Variants in CMTM5 observed in about 807,000 individuals in gnomAD.
The protein encoded by CMTM5 is CKLF like MARVEL transmembrane domain containing 5, also known as CKLF-like MARVEL transmembrane domain-containing protein 5.
CMTM5 carries 25 observed loss-of-function variants against 26.9 expected under a neutral mutation model. The observed-to-expected ratio is 0.93, with a 90% confidence interval of 0.68 to 1.30. CMTM5 has a LOEUF of 1.30. CMTM5 is among the 50% of genes most tolerant of loss of function. The pLI is 0.00. For synonymous variants in CMTM5, 98 were observed against 115.5 expected, an observed-to-expected ratio of 0.85 and a Z score of 0.97; for missense variants, 292 against 289.6, an observed-to-expected ratio of 1.01 and a Z score of -0.06.
Position 23,378,431 on chromosome 14 carries a change from C to T in CMTM5, c.209C>T (p.Thr70Ile), listed in dbSNP as rs1193879594. 1 of 1,614,146 alleles carries T rather than the reference C, an allele frequency of 6.2e-7. No homozygotes were observed. The highest frequency in any genetic ancestry group is 8.5e-7 in the Non-Finnish European group (1 of 1,180,016). Residue 70 changes from threonine to isoleucine, a missense_variant, in exon 2 of 6, where the codon ACA (threonine) becomes ATA (isoleucine). Thr to Ile is a moderately conservative substitution (Grantham distance 89). Transcript: ENST00000339180. The surrounding 1 kb of genome is among the most constrained non-coding windows in gnomAD (Gnocchi z 4.2). ...MAAALLEFFITLAFLFLYATQ... is the reference protein window; with the variant it reads ...MAAALLEFFIILAFLFLYATQ... ...GCGGCGCTACTGGAGTTCTTCATCA[C>T]ACTTGCCTTCCTCTTCCTCTATGCC...
rs7148331 is a variant in CMTM5, at chr14:23,377,468, G to T, written c.126+91G>T. 32,819 of 1,427,962 alleles carry T rather than the reference G, an allele frequency of 0.023. 1,035 individuals are homozygous for T. Among genetic ancestry groups the T allele is most frequent in the African/African-American group, 0.15 (10,339 of 68,846 alleles). 88.5% of individuals were successfully genotyped at this position (1,427,962 alleles called of 1,614,324 possible). A position where few individuals can be genotyped will look rare whatever the true frequency, so the allele number is the denominator to read the frequency against. ...CCAGCCCCCAGCTCACCCTTCAGTA[G>T]CCTCCTTCCCCAAGCCCTCTGGACA... On this transcript the variant is annotated intron_variant, in intron 1 of 5. Transcript: ENST00000339180. The surrounding 1 kb of genome is among the most constrained non-coding windows in gnomAD (Gnocchi z 4.6).
Position 23,378,856 on chromosome 14 carries a change from C to G in CMTM5, c.467C>G (p.Ser156Cys). Residue 156 changes from serine (S) to cysteine (C), a missense_variant, in exon 3 of 6, where the codon TCC becomes TGC. Transcript: ENST00000339180. The surrounding 1 kb of genome is among the most constrained non-coding windows in gnomAD (Gnocchi z 4.2). ...SWLLWFICFH[S>C]LGSSDFLRCV... ...TTGCTCTGGTTCATCTGCTTCCACT[C>G]CCTGGGTAGCAGTGTGAGCGCTCTG... 6.2e-7 allele frequency: 1 copy of G among 1,613,034 alleles called. No homozygotes were observed.
At position 23,377,828 on chromosome 14, in the gene CMTM5, GT is replaced by G; in HGVS notation, c.126+453del. The G allele has an allele frequency of 5.5e-6, 1 of 182,958 alleles. No homozygotes were observed. The highest frequency in any genetic ancestry group is 1.1e-5 in the Non-Finnish European group (1 of 88,576). The allele number at this position is 182,958 out of a possible 1,614,324, so 11.3% of individuals were successfully genotyped here. A position where few individuals can be genotyped will look rare whatever the true frequency, so the allele number is the denominator to read the frequency against. ...TTACTTAGCAAGACCACAGTGTAGA[GT>G]TAAGGCCTCTGCACGTATGCCACCC... On this transcript the variant is annotated intron_variant, in intron 1 of 5. Transcript: ENST00000339180. The surrounding 1 kb of genome is among the most constrained non-coding windows in gnomAD (Gnocchi z 4.6).
In CMTM5 at chr14:23,378,381, G is replaced by A. The variant is rs761112189; in HGVS notation, c.159G>A (p.Thr53=). The A allele has an allele frequency of 3.1e-6, 5 of 1,613,950 alleles. No homozygotes were observed. The highest frequency in any genetic ancestry group is 1.1e-5 in the South Asian group (1 of 91,074). Residue 53 remains threonine, a synonymous_variant, in exon 2 of 6, where the codon ACG becomes ACA. Coordinates refer to ENST00000339180, the MANE Select transcript of CMTM5 (RefSeq NM_001288746.2). This position sits in a 1 kb window ranked among gnomAD's most constrained non-coding sequence, Gnocchi z 4.2. ...CCCTCATCATCTTCATCTGCTTCAC[G>A]GCCTCCATCTCTGCCTACATGGCCG... The part of the protein sequence containing the change: ...ALTLIIFICF[T]ASISAYMAAA...
chr14:23,378,765 C>G lies in CMTM5; in HGVS notation c.376C>G (p.Pro126Ala), dbSNP rs778322928. 1.2e-6 allele frequency: 2 copies of G among 1,612,290 alleles called. No homozygotes were observed. Among genetic ancestry groups the G allele is most frequent in the Admixed American group, 1.7e-5 (1 of 59,972 alleles). The change falls in exon 3 of 6, where the codon CCG becomes GCG. Residue 126 changes from proline to alanine, a missense_variant. Physicochemically the swap from Pro to Ala is conservative, Grantham distance 27. Coordinates refer to ENST00000339180, the MANE Select transcript of CMTM5 (RefSeq NM_001288746.2). This position sits in a 1 kb window ranked among gnomAD's most constrained non-coding sequence, Gnocchi z 4.2. ...CCAGCCCTGGCCTGGCTTGACCCCC[C>G]CGGGCTGGCATACTCCAGCCGCTGT... is the stretch of plus-strand genomic sequence containing the variant. ...QPQPWPGLTP[P>A]GWHTPAAVPW...
rs182773467 is a variant in CMTM5 at position 23,379,157 on chromosome 14, C to A, written c.573+34C>A. 7.5e-6 allele frequency: 12 copies of A among 1,607,748 alleles called. No homozygotes were observed. In the Admixed American group the frequency reaches 2.0e-4, roughly 27 times the overall value. Reference sequence around the variant, plus strand: ...AGCCCTGCAGGACTCCTTAGCCCCTCAAGAGCTCAGGCTGGTGCTTGCACA... The same window carrying A: ...AGCCCTGCAGGACTCCTTAGCCCCTAAAGAGCTCAGGCTGGTGCTTGCACA... On this transcript the variant is annotated intron_variant, in intron 4 of 5. Transcript: ENST00000339180.
Position 23,379,056 on chromosome 14 carries a change from T to C in CMTM5, c.506T>C (p.Ile169Thr), listed in dbSNP as rs367753849. ...SSDFLRCVSA[I>T]IIFLVVSFAA... Reference sequence around the variant, plus strand: ...GACTTCCTGCGCTGTGTCAGTGCCATCATCATCTTCCTGGTGGTCTCCTTT... The same window carrying C: ...GACTTCCTGCGCTGTGTCAGTGCCACCATCATCTTCCTGGTGGTCTCCTTT... The change falls in exon 4 of 6, where the codon ATC becomes ACC. Residue 169 changes from isoleucine (I) to threonine (T), a missense_variant. Coordinates refer to ENST00000339180, the MANE Select transcript of CMTM5 (RefSeq NM_001288746.2). 2 of 1,613,984 alleles carry C rather than the reference T, an allele frequency of 1.2e-6. No individual in the cohort carries two copies. Among genetic ancestry groups the C allele is most frequent in the Non-Finnish European group, 1.7e-6 (2 of 1,179,998 alleles).
chr14:23,379,702 TGGGGGAGGGGG>T lies in CMTM5; in HGVS notation c.*218_*228del. On this transcript the variant is annotated 3_prime_UTR_variant, in exon 6 of 6. Transcript: ENST00000339180. ...CTCTGGCCAGAGGAGGGGAACTTATTGGGGGAGGGGGGGTGGAGGGGAGGAATCTGGACCTC... is the reference window on the plus strand; with the variant it reads ...CTCTGGCCAGAGGAGGGGAACTTATTGGTGGAGGGGAGGAATCTGGACCTC... The T allele has an allele frequency of 1.2e-5, 5 of 425,182 alleles. No individual in the cohort carries two copies. The highest frequency in any genetic ancestry group is 2.1e-5 in the Non-Finnish European group (5 of 243,606). 26.3% of individuals were successfully genotyped at this position (425,182 alleles called of 1,614,324 possible).
chr14:23,379,584 C>G lies in CMTM5; in HGVS notation c.*97C>G, dbSNP rs1953882935. 1 of 1,572,176 alleles carries G rather than the reference C, an allele frequency of 6.4e-7. No individual in the cohort carries two copies. The highest frequency in any genetic ancestry group is 8.6e-7 in the Non-Finnish European group (1 of 1,165,140). On this transcript the variant is annotated 3_prime_UTR_variant, in exon 6 of 6. Coordinates refer to ENST00000339180, the MANE Select transcript of CMTM5 (RefSeq NM_001288746.2). ...ATTCACTAGCCCCCAGCCCGCCAAA[C>G]CCCACCCCAGCCCTACACAGCAGTC...
rs1006551609 is a variant in CMTM5 at position 23,377,454 on chromosome 14, C to T, written c.126+77C>T. The T allele has an allele frequency of 2.0e-6, 3 of 1,472,578 alleles. No individual in the cohort carries two copies. In the Admixed American group the frequency reaches 6.8e-5, roughly 33 times the overall value. The allele number at this position is 1,472,578 out of a possible 1,614,324, so 91.2% of individuals were successfully genotyped here. A position where few individuals can be genotyped will look rare whatever the true frequency, so the allele number is the denominator to read the frequency against. On this transcript the variant is annotated intron_variant, in intron 1 of 5. Transcript: ENST00000339180. The surrounding 1 kb of genome is among the most constrained non-coding windows in gnomAD (Gnocchi z 4.6). Reference sequence around the variant, plus strand: ...TGGCCAGCCTTATGCCAGCCCCCAGCTCACCCTTCAGTAGCCTCCTTCCCC... The same window carrying T: ...TGGCCAGCCTTATGCCAGCCCCCAGTTCACCCTTCAGTAGCCTCCTTCCCC...
rs1890786471 is a variant in CMTM5, at chr14:23,379,700, A to C, written c.*213A>C. 2.4e-5 allele frequency: 10 copies of C among 416,406 alleles called. No homozygotes were observed. Among genetic ancestry groups the C allele is most frequent in the East Asian group, 6.2e-5 (1 of 16,246 alleles). The allele number at this position is 416,406 out of a possible 1,614,324, so 25.8% of individuals were successfully genotyped here. A position where few individuals can be genotyped will look rare whatever the true frequency, so the allele number is the denominator to read the frequency against. On this transcript the variant is annotated 3_prime_UTR_variant, in exon 6 of 6. Transcript: ENST00000339180. ...AGCTCTGGCCAGAGGAGGGGAACTT[A>C]TTGGGGGAGGGGGGGTGGAGGGGAG...
In CMTM5 at chr14:23,377,433, C is replaced by G; in HGVS notation, c.126+56C>G. On this transcript the variant is annotated intron_variant, in intron 1 of 5. Transcript: ENST00000339180. The surrounding 1 kb of genome is among the most constrained non-coding windows in gnomAD (Gnocchi z 4.6). ...ATCTCCCTGACCCCCGGCTCCTGGC[C>G]AGCCTTATGCCAGCCCCCAGCTCAC... The G allele has an allele frequency of 6.6e-7, 1 of 1,505,898 alleles. No homozygotes were observed. The highest frequency in any genetic ancestry group is 1.3e-5 in the South Asian group (1 of 77,102). 93.3% of individuals were successfully genotyped at this position (1,505,898 alleles called of 1,614,324 possible).
rs746785549 is a variant in CMTM5 at position 23,377,281 on chromosome 14, G to A, written c.30G>A (p.Arg10=). Residue 10 remains arginine, a synonymous_variant, in exon 1 of 6, where the codon CGG becomes CGA. Coordinates refer to ENST00000339180, the MANE Select transcript of CMTM5 (RefSeq NM_001288746.2). The surrounding 1 kb of genome is among the most constrained non-coding windows in gnomAD (Gnocchi z 4.6). ...TCAGTGCTCGAGATCGCCGGGACCG[G>A]CACCCTGAGGAGGGGGTAGTTGCAG... MLSARDRRD[R]HPEEGVVAEL... is the part of the protein sequence containing the mutation. The A allele has an allele frequency of 6.2e-7, 1 of 1,612,170 alleles. No individual in the cohort carries two copies. The highest frequency in any genetic ancestry group is 1.1e-5 in the South Asian group (1 of 90,932).
chr14:23,378,763 C>T lies in CMTM5; in HGVS notation c.374C>T (p.Pro125Leu). The T allele has an allele frequency of 6.2e-7, 1 of 1,612,384 alleles. No homozygotes were observed. The highest frequency in any genetic ancestry group is 1.3e-5 in the African/African-American group (1 of 74,808). Residue 125 changes from proline (P) to leucine (L), a missense_variant, in exon 3 of 6, where the codon CCC (proline) becomes CTC (leucine). Pro to Leu is a moderately conservative substitution (Grantham distance 98, BLOSUM62 -3). Coordinates refer to ENST00000339180, the MANE Select transcript of CMTM5 (RefSeq NM_001288746.2). This position sits in a 1 kb window ranked among gnomAD's most constrained non-coding sequence, Gnocchi z 4.2. ...CCCCAGCCCTGGCCTGGCTTGACCCCCCCGGGCTGGCATACTCCAGCCGCT... is the reference window on the plus strand; with the variant it reads ...CCCCAGCCCTGGCCTGGCTTGACCCTCCCGGGCTGGCATACTCCAGCCGCT... Reference protein sequence around the residue: ...VQPQPWPGLTPPGWHTPAAVP... With the variant: ...VQPQPWPGLTLPGWHTPAAVP...
Position 23,378,978 on chromosome 14 carries a change from G to T in CMTM5, c.481-53G>T, listed in dbSNP as rs1890726708. 6.2e-7 allele frequency: 1 copy of T among 1,609,658 alleles called. No homozygotes were observed. Among genetic ancestry groups the T allele is most frequent in the Non-Finnish European group, 8.5e-7 (1 of 1,176,724 alleles). On this transcript the variant is annotated intron_variant, in intron 3 of 5. Transcript: ENST00000339180. The surrounding 1 kb of genome is among the most constrained non-coding windows in gnomAD (Gnocchi z 4.2). ...GCTGGCTAGCCTGGAAAACTTCAGG[G>T]TAACGCCCCCTGCCTTCTGAGGTCC...
At chr14:23,379,219 T>A in intron 4 of CMTM5, 80 bp from the exon 5 acceptor site, 1 of 1,600,996 alleles carries the variant, frequency 6.2e-7, no homozygotes, top group Admixed American at 1.7e-5. Context: ...GACTTGGGGT[T>A]CTGGCTTGCA....
At chr14:23,379,433 C>A in intron 5 of CMTM5, 41 bp from the exon 6 acceptor site, 2 of 1,614,130 alleles carry the variant, frequency 1.2e-6, no homozygotes, top group East Asian at 4.5e-5. Context: ...ACCCTAGCTA[C>A]CCATCCTGAT....
rs997082897 is a variant in CMTM5, at chr14:23,378,538, T to C, written c.279+37T>C. 1.9e-5 allele frequency: 30 copies of C among 1,613,078 alleles called. No individual in the cohort carries two copies. The highest frequency in any genetic ancestry group is 2.5e-5 in the Non-Finnish European group (29 of 1,179,184). On this transcript the variant is annotated intron_variant, in intron 2 of 5. Coordinates refer to ENST00000339180, the MANE Select transcript of CMTM5 (RefSeq NM_001288746.2). This position sits in a 1 kb window ranked among gnomAD's most constrained non-coding sequence, Gnocchi z 4.2. ...TGACCCCTAGCCCAGTTTGGGGCCC[T>C]TCCCTCTCCTCTAAATGATGCATTT...
At position 23,377,126 on chromosome 14, in the gene CMTM5, T is replaced by C. The variant is rs1890592305; in HGVS notation, c.-126T>C. The C allele has an allele frequency of 1.5e-5, 20 of 1,355,174 alleles. No individual in the cohort carries two copies. The highest frequency in any genetic ancestry group is 1.9e-5 in the Non-Finnish European group (19 of 988,086). 83.9% of individuals were successfully genotyped at this position (1,355,174 alleles called of 1,614,324 possible). ...TCTCCCGGGGCCCTGTGGGCAAGCCTCCTGCTTCACTTTCAGGTTTCTCGA... is the reference window on the plus strand; with the variant it reads ...TCTCCCGGGGCCCTGTGGGCAAGCCCCCTGCTTCACTTTCAGGTTTCTCGA... On this transcript the variant is annotated 5_prime_UTR_variant, in exon 1 of 6. Coordinates refer to ENST00000339180, the MANE Select transcript of CMTM5 (RefSeq NM_001288746.2). The surrounding 1 kb of genome is among the most constrained non-coding windows in gnomAD (Gnocchi z 4.6).
Sources: gnomAD v4.1 joint callset for allele counts on GRCh38, gnomAD v4.1.1 for gene constraint, Gnocchi (gnomAD v3.1) non-coding constraint, MANE v1.5 for transcripts, NCBI Gene and HGNC (gene_info 2026-07-23, HGNC 2026-07-21) for gene names.